Variants in PCDHGB4 observed in about 807,000 individuals in gnomAD.
PCDHGB4 encodes the protein protocadherin gamma subfamily B, 4, also known as protocadherin gamma-B4.
PCDHGB4 carries 38 observed loss-of-function variants against 60.5 expected under a neutral mutation model. That is an observed-to-expected ratio of 0.63 (90% CI 0.48 to 0.82). The LOEUF (loss-of-function observed/expected upper bound fraction) is 0.82. Ranked by LOEUF, PCDHGB4 falls within the 40% of genes least tolerant of loss-of-function variation. The pLI is 0.00. For synonymous variants in PCDHGB4, 456 were observed against 509.7 expected (o/e 0.89, Z 1.42); for missense variants, 1,109 against 1,209.6 (o/e 0.92, Z 1.23).
chr5:141,468,868 AAATAAT>A (rs993655754), intron 1 of PCDHGB4, among the ~76,000 whole-genome samples: 1 of 151,794 alleles, frequency 6.6e-6, no homozygotes, highest in Non-Finnish European at 1.5e-5. Context: ...TCCATCTCAA[AAATAAT>A]AATAATAATA....
chr5:141,445,120 AT>A (rs1287463110), intron 1 of PCDHGB4, among the ~76,000 whole-genome samples: 1 of 152,228 alleles, frequency 6.6e-6, no homozygotes, highest in African/African-American at 2.4e-5. Flanking sequence ...TGTAAATAGT[AT>A]TTTTAAAATT....
chr5:141,395,241 A>T (rs1398967812), intron 1 of PCDHGB4: 1 of 1,571,196 alleles, frequency 6.4e-7, no homozygotes, highest in East Asian at 2.3e-5. Context: ...TGGTCAGGTG[A>T]GTTTAGTTCT....
intron 1 of PCDHGB4, chr5:141,422,184 A>T: frequency 6.4e-7 from 1 of 1,561,838 alleles, no homozygotes; most frequent in Non-Finnish European, 8.6e-7. Context: ...ATGAGATGGA[A>T]ATTCAAGGCC....
Position 141,438,625 on chromosome 5 carries a change from TATATATATATACAC to T in PCDHGB4, c.2397+48346_2397+48359del, listed in dbSNP as rs1291649000. Among the ~76,000 whole-genome samples, 88 of 46,398 alleles carry T rather than the reference TATATATATATACAC, an allele frequency of 1.9e-3. 1 individual carries two copies. The highest frequency in any genetic ancestry group is 8.6e-3 in the African/African-American group (72 of 8,380). 30.4% of individuals were successfully genotyped at this position (46,398 alleles called of 152,430 possible). A position where few individuals can be genotyped will look rare whatever the true frequency, so the allele number is the denominator to read the frequency against. ...ATATATATATATATATATATATATATATATATATATACACACACACACACACATATATGTATATA... is the reference window on the plus strand; with the variant it reads ...ATATATATATATATATATATATATATACACACACACACATATATGTATATA... On this transcript the variant is annotated intron_variant, in intron 1 of 3. Transcript: ENST00000519479.
Position 141,485,790 on chromosome 5 carries a change from C to T in PCDHGB4, c.2398-9017C>T. On this transcript the variant is annotated intron_variant, in intron 1 of 3. Transcript: ENST00000519479. This position sits in a 1 kb window ranked among gnomAD's most constrained non-coding sequence, Gnocchi z 5.7. The stretch of plus-strand genomic sequence containing the variant: ...AAGCCTTTGGATCGAGAGAAGCAAT[C>T]GGACTACCGCCTGGTGCTGACTGCT... 6.2e-7 allele frequency: 1 copy of T among 1,614,204 alleles called. No homozygotes were observed. Among genetic ancestry groups the T allele is most frequent in the Non-Finnish European group, 8.5e-7 (1 of 1,180,032 alleles).
chr5:141,399,894 C>G lies in PCDHGB4; in HGVS notation c.2397+9613C>G, dbSNP rs201911174. ...GCTACCTGGTGACCAAGGTAGTGGC[C>G]GTGGACGCAGACTCAGGACACAACG... On this transcript the variant is annotated intron_variant, in intron 1 of 3. Transcript: ENST00000519479. 9.2e-4 allele frequency: 1,477 copies of G among 1,612,556 alleles called. 21 individuals carry two copies. In the South Asian group the frequency reaches 0.015, roughly 17 times the overall value.
rs909255357 is a variant in PCDHGB4 at position 141,489,178 on chromosome 5, C to A, written c.2398-5629C>A. 5 of 1,234,744 alleles carry A rather than the reference C, an allele frequency of 4.0e-6. No individual in the cohort carries two copies. The highest frequency in any genetic ancestry group is 2.3e-5 in the Admixed American group (1 of 42,922). The allele number at this position is 1,234,744 out of a possible 1,614,324, so 76.5% of individuals were successfully genotyped here. Reference sequence around the variant, plus strand: ...GAGACTTCAGCTGCTGCATTCCAAGCCCTGGGTCTACCTTGGAGACAGGAC... The same window carrying A: ...GAGACTTCAGCTGCTGCATTCCAAGACCTGGGTCTACCTTGGAGACAGGAC... On this transcript the variant is annotated intron_variant, in intron 1 of 3. Transcript: ENST00000519479. This position sits in a 1 kb window ranked among gnomAD's most constrained non-coding sequence, Gnocchi z 4.5.
chr5:141,457,891 T>C (rs2154566084), intron 1 of PCDHGB4, among the ~76,000 whole-genome samples: 1 of 152,346 alleles, frequency 6.6e-6, no homozygotes, highest in South Asian at 2.1e-4. Context: ...GTGTGGGGAC[T>C]GTGTAGACAA....
At chr5:141,404,780 A>G (rs746373854) in intron 1 of PCDHGB4, 2 of 1,612,764 alleles carry the variant, frequency 1.2e-6, no homozygotes, top group African/African-American at 1.3e-5. Flanking sequence ...CCGCCTATTC[A>G]AGGCCAGTGA....
chr5:141,429,583 T>A (rs2097226045), intron 1 of PCDHGB4, among the ~76,000 whole-genome samples: 2 of 152,218 alleles, frequency 1.3e-5, no homozygotes, highest in South Asian at 4.1e-4. Flanking sequence ...TTACTTTTGA[T>A]TCTTGTAATT....
chr5:141,456,098 C>T (rs1222639126), intron 1 of PCDHGB4, among the ~76,000 whole-genome samples: 2 of 151,980 alleles, frequency 1.3e-5, no homozygotes, highest in Non-Finnish European at 2.9e-5. Flanking sequence ...GGGATTTCAC[C>T]GTGTTAGCCA....
In PCDHGB4 at chr5:141,476,016, G is replaced by C; in HGVS notation, c.2398-18791G>C. On this transcript the variant is annotated intron_variant, in intron 1 of 3. Transcript: ENST00000519479. This position sits in a 1 kb window ranked among gnomAD's most constrained non-coding sequence, Gnocchi z 7.6. ...TCAACGGCATCCAGAAAGCCATGTC[G>C]GACTCGGCGCCCAGCGCCCAAGCGC... 1 of 1,359,386 alleles carries C rather than the reference G, an allele frequency of 7.4e-7. No homozygotes were observed. The highest frequency in any genetic ancestry group is 2.3e-5 in the East Asian group (1 of 43,300). 84.2% of individuals were successfully genotyped at this position (1,359,386 alleles called of 1,614,324 possible).
At position 141,487,543 on chromosome 5, in the gene PCDHGB4, A is replaced by G. The variant is rs2099649285; in HGVS notation, c.2398-7264A>G. On this transcript the variant is annotated intron_variant, in intron 1 of 3. Coordinates refer to ENST00000519479, the MANE Select transcript of PCDHGB4 (RefSeq NM_003736.4). This position sits in a 1 kb window ranked among gnomAD's most constrained non-coding sequence, Gnocchi z 5.0. ...GTGATAGCTTCATGATGGTGAAGTC[A>G]CCCAGTGCACCTATGGCAGGGGAGC... is the stretch of plus-strand genomic sequence containing the variant. The G allele has an allele frequency of 3.7e-6, 6 of 1,614,114 alleles. No homozygotes were observed. In the South Asian group the frequency reaches 5.5e-5, roughly 15 times the overall value.
chr5:141,492,064 C>T (rs1562152072), intron 1 of PCDHGB4: 3 of 484,366 alleles, frequency 6.2e-6, no homozygotes, highest in Non-Finnish European at 1.1e-5. Context: ...AGCCAGCCTC[C>T]TAGGCGCCGG....
Position 141,490,942 on chromosome 5 carries a change from C to T in PCDHGB4, c.2398-3865C>T, listed in dbSNP as rs371286343. On this transcript the variant is annotated intron_variant, in intron 1 of 3. Coordinates refer to ENST00000519479, the MANE Select transcript of PCDHGB4 (RefSeq NM_003736.4). This position sits in a 1 kb window ranked among gnomAD's most constrained non-coding sequence, Gnocchi z 5.4. ...TAATGCCCCAGCTGTGCTGCACCCA[C>T]GGCCAGACTGGGAACACTCAGCCCC... 8.7e-5 allele frequency: 141 copies of T among 1,613,526 alleles called. No individual in the cohort carries two copies. Among genetic ancestry groups the T allele is most frequent in the Non-Finnish European group, 1.1e-4 (126 of 1,179,768 alleles).
chr5:141,419,398 G>A (rs2096375486), intron 1 of PCDHGB4: 7 of 1,613,572 alleles, frequency 4.3e-6, no homozygotes, highest in Non-Finnish European at 5.1e-6. Flanking sequence ...AGAGCGGGGT[G>A]GTGTTCGCGC....
intron 1 of PCDHGB4, chr5:141,403,543 G>C (rs1228327431): frequency 1.2e-6 from 2 of 1,614,006 alleles, no homozygotes; most frequent in Non-Finnish European, 1.7e-6. Context: ...TGGTGCTGGA[G>C]CGCGCCCTGG....
chr5:141,424,497 A>G (rs2096824503), intron 1 of PCDHGB4: 2 of 152,174 alleles, frequency 1.3e-5, no homozygotes, highest in African/African-American at 2.4e-5. Flanking sequence ...GTTTGTATGT[A>G]TGGAAGGTTT....
At chr5:141,484,054 G>A (rs1192214731) in intron 1 of PCDHGB4, among the ~76,000 whole-genome samples, 4 of 152,044 alleles carry the variant, frequency 2.6e-5, no homozygotes, top group African/African-American at 9.7e-5. Flanking sequence ...AGGTCCCCTG[G>A]GGCTAAGTGA....
Sources: gnomAD v4.1 joint callset for allele counts (sites outside exome capture counted in the v4.1 genomes callset) on GRCh38, gnomAD v4.1.1 for gene constraint, Gnocchi (gnomAD v3.1) non-coding constraint, MANE v1.5 for transcripts, NCBI Gene and HGNC (gene_info 2026-07-23, HGNC 2026-07-21) for gene names.